VWA8: variants seen among roughly 807,000 people sequenced by gnomAD.
VWA8 encodes von Willebrand factor A domain-containing protein 8.
VWA8 carries 221 observed loss-of-function variants against 241.5 expected under a neutral mutation model. That is an observed-to-expected ratio of 0.91 (90% CI 0.82 to 1.02). VWA8 has a LOEUF of 1.02. VWA8 is among the 50% of genes least tolerant of loss of function. The probability of loss-of-function intolerance (pLI) is 0.00; values close to 1 mark genes in which losing one functional copy is unlikely to be tolerated. For synonymous variants in VWA8, 852 were observed against 827.1 expected (o/e 1.03, Z -0.52); for missense variants, 2,322 against 2,328.7 (o/e 1.00, Z 0.06).
chr13:41,959,047 T>C (rs145707691), intron 1 of VWA8, among the ~76,000 whole-genome samples: 124 of 152,342 alleles, frequency 8.1e-4, no homozygotes, highest in African/African-American at 2.8e-3. Context: ...CCTACCCAGA[T>C]AGTCTGAACA....
chr13:41,858,559 T>G (rs373269527), intron 12 of VWA8, among the ~76,000 whole-genome samples: 2 of 151,414 alleles, frequency 1.3e-5, no homozygotes, highest in African/African-American at 4.9e-5. Context: ...TTAACCAATA[T>G]CATGCCACTG....
intron 2 of VWA8, among the ~76,000 whole-genome samples, chr13:41,916,805 T>C (rs1876281466): frequency 6.6e-6 from 1 of 152,208 alleles, no homozygotes. Context: ...GATTCAAGAC[T>C]GTACATTACG....
rs550494683 is a variant in VWA8, at chr13:41,595,153, ACT to A, written c.4987-4390_4987-4389del. On this transcript the variant is annotated intron_variant, in intron 40 of 44. Coordinates refer to ENST00000379310, the MANE Select transcript of VWA8 (RefSeq NM_015058.2). ...GTAATGCAATTAAGCAAAACATGTA[ACT>A]CTCAGTTTTGTTCACCATCATGCAA... is the stretch of plus-strand genomic sequence containing the variant. 4.6e-5 allele frequency among the ~76,000 whole-genome samples: 7 copies of A among 152,100 alleles called. No homozygotes were observed. The South Asian group carries it at 1.5e-3, about 32-fold the overall frequency.
intron 2 of VWA8, chr13:41,926,738 T>C (rs989901972): frequency 5.4e-5 from 29 of 538,404 alleles, no homozygotes; most frequent in African/African-American, 4.8e-4. Context: ...TGATACTGAC[T>C]TCACCCCACC....
At position 41,670,937 on chromosome 13, in the gene VWA8, A is replaced by G. The variant is rs773416842; in HGVS notation, c.4611+9T>C. 5.6e-6 allele frequency: 9 copies of G among 1,613,062 alleles called. No individual in the cohort carries two copies. In the African/African-American group the frequency reaches 1.2e-4, roughly 22 times the overall value. Reference sequence around the variant, plus strand: ...CACCTCTAAGAGATAAGGTGAATTCAAATGGTACCTGCATATTTCTGTCAT... The same window carrying G: ...CACCTCTAAGAGATAAGGTGAATTCGAATGGTACCTGCATATTTCTGTCAT... On this transcript the variant is annotated intron_variant, in intron 37 of 44. Coordinates refer to ENST00000379310, the MANE Select transcript of VWA8 (RefSeq NM_015058.2).
intron 20 of VWA8, among the ~76,000 whole-genome samples, chr13:41,773,898 CT>C (rs1868454125): frequency 6.6e-6 from 1 of 152,126 alleles, no homozygotes; most frequent in Non-Finnish European, 1.5e-5. Flanking sequence ...GTCTCTGATC[CT>C]GTCATTATAG....
In VWA8 at chr13:41,703,562, A is replaced by T; in HGVS notation, c.3117-151T>A. 3 of 640,768 alleles carry T rather than the reference A, an allele frequency of 4.7e-6. No homozygotes were observed. In the South Asian group the frequency reaches 6.5e-5, roughly 14 times the overall value. 39.7% of individuals were successfully genotyped at this position (640,768 alleles called of 1,614,324 possible). A position where few individuals can be genotyped will look rare whatever the true frequency, so the allele number is the denominator to read the frequency against. On this transcript the variant is annotated intron_variant, in intron 26 of 44. Transcript: ENST00000379310. ...ACATCATTTTATTAAACGACAGTGT[A>T]TAAAATCATGTTTAAAATATACTTT...
intron 2 of VWA8, among the ~76,000 whole-genome samples, chr13:41,943,670 A>G (rs565757895): frequency 6.6e-6 from 1 of 152,256 alleles, no homozygotes; most frequent in Non-Finnish European, 1.5e-5. Context: ...TTGCAACTCA[A>G]TAATAAAAAG....
chr13:41,582,393 G>C (rs777822734), intron 42 of VWA8, among the ~76,000 whole-genome samples: 5 of 152,246 alleles, frequency 3.3e-5, no homozygotes, highest in Admixed American at 6.5e-5. Context: ...GGAGAGTCCA[G>C]AGCACAGACC....
intron 29 of VWA8, 45 bp from the exon 30 acceptor site, chr13:41,693,017 T>TTTC: frequency 7.1e-7 from 1 of 1,411,296 alleles, no homozygotes; most frequent in South Asian, 1.3e-5. Context: ...TTGTTCTTTT[T>TTTC]TTTTTTTTTT....
intron 4 of VWA8, among the ~76,000 whole-genome samples, chr13:41,896,086 CAG>C (rs1427483682): frequency 1.3e-5 from 2 of 151,818 alleles, no homozygotes; most frequent in Admixed American, 1.3e-4. Flanking sequence ...ATCAATAAAA[CAG>C]AATTTAAGAA....
chr13:41,813,526 C>T (rs1870559925), intron 16 of VWA8, among the ~76,000 whole-genome samples: 1 of 152,078 alleles, frequency 6.6e-6, no homozygotes, highest in African/African-American at 2.4e-5. Context: ...ATGACTCTAA[C>T]CAGAGGATTC....
At chr13:41,665,687 A>G (rs2044981299) in intron 37 of VWA8, among the ~76,000 whole-genome samples, 1 of 152,122 alleles carries the variant, frequency 6.6e-6, no homozygotes, top group Admixed American at 6.5e-5. Context: ...TCAGGTTTAT[A>G]GCCAGTATAT....
At chr13:41,601,772 T>C (rs1466384140) in intron 40 of VWA8, among the ~76,000 whole-genome samples, 1 of 152,134 alleles carries the variant, frequency 6.6e-6, no homozygotes, top group Non-Finnish European at 1.5e-5. Flanking sequence ...GAAAGACATG[T>C]ACTGCAACAT....
chr13:41,638,346 T>C (rs1285165515), intron 37 of VWA8, among the ~76,000 whole-genome samples: 1 of 152,252 alleles, frequency 6.6e-6, no homozygotes, highest in Admixed American at 6.5e-5. Context: ...TATCTATGAC[T>C]GTTTTATTTG....
intron 21 of VWA8, among the ~76,000 whole-genome samples, chr13:41,740,931 G>A (rs1478862951): frequency 6.6e-6 from 1 of 152,124 alleles, no homozygotes; most frequent in East Asian, 1.9e-4. Context: ...CATGTTTACA[G>A]AGGCAAAACA....
chr13:41,728,850 GTC>G (rs1314676870), intron 23 of VWA8, among the ~76,000 whole-genome samples: 1 of 151,882 alleles, frequency 6.6e-6, no homozygotes, highest in Non-Finnish European at 1.5e-5. Flanking sequence ...TTAGTTATTA[GTC>G]TCAACTTGTT....
chr13:41,926,271 T>C (rs1593875217), intron 2 of VWA8: 1 of 653,506 alleles, frequency 1.5e-6, no homozygotes, highest in Non-Finnish European at 2.9e-6. Context: ...GGAAACAAGG[T>C]ATCATCAGAA....
rs1380340862 is a variant in VWA8, at chr13:41,868,464, T to G, written c.1094A>C (p.Gln365Pro). The G allele has an allele frequency of 6.2e-7, 1 of 1,613,136 alleles. No homozygotes were observed. Among genetic ancestry groups the G allele is most frequent in the East Asian group, 2.2e-5 (1 of 44,850 alleles). ...VEGVLKRFEL[Q>P]DSGSSLLPKE... ...AGGAAGTAGAGAGCTTCCTGAATCT[T>G]GAAGTTCAAAGCGCTGTAAAATTAC... The change falls in exon 10 of 45, where the codon CAA becomes CCA. Residue 365 changes from glutamine to proline, a missense_variant. Coordinates refer to ENST00000379310, the MANE Select transcript of VWA8 (RefSeq NM_015058.2).
Sources: gnomAD v4.1 joint callset for allele counts (sites outside exome capture counted in the v4.1 genomes callset) on GRCh38, gnomAD v4.1.1 for gene constraint, MANE v1.5 for transcripts, NCBI Gene and HGNC (gene_info 2026-07-23, HGNC 2026-07-21) for gene names.